CLTCL1: variants seen among roughly 807,000 people sequenced by gnomAD.
The protein encoded by CLTCL1 is clathrin heavy chain like 1.
A neutral mutation model predicts 190.0 loss-of-function variants in CLTCL1; 159 were observed. The ratio of observed to expected loss-of-function variants is 0.84; its 90% CI spans 0.74 to 0.95. The LOEUF is 0.95. CLTCL1 is among the 40% of genes least tolerant of loss of function. CLTCL1 has a pLI of 0.00. For synonymous variants in CLTCL1, 752 were observed against 769.6 expected (o/e 0.98, Z 0.38); for missense variants, 1,878 against 2,033.4 (o/e 0.92, Z 1.47).
chr22:19,273,832 G>A (rs541652941), intron 2 of CLTCL1, among the ~76,000 whole-genome samples: 1 of 151,992 alleles, frequency 6.6e-6, no homozygotes, highest in Admixed American at 6.6e-5. Flanking sequence ...CCTATAAAAG[G>A]CTCTAACACC....
At chr22:19,187,772 G>T (rs782506779) in intron 28 of CLTCL1, 44 bp from the exon 29 acceptor site, 6 of 1,593,606 alleles carry the variant, frequency 3.8e-6, no homozygotes, top group Non-Finnish European at 2.6e-6. Context: ...ACTGACATGG[G>T]CTGCCTACAC....
In CLTCL1 at chr22:19,180,809, G is replaced by A. The variant is rs374258987; in HGVS notation, c.4828-3C>T. ...TCCAAGGCATCCAGTTTGTCCACCTGCAAGGAGGCAAAAGCACGTGAGCAC... is the reference window on the plus strand; with the variant it reads ...TCCAAGGCATCCAGTTTGTCCACCTACAAGGAGGCAAAAGCACGTGAGCAC... On this transcript the variant is annotated splice_polypyrimidine_tract_variant and splice_region_variant and intron_variant, in intron 30 of 32. Coordinates refer to ENST00000427926, the MANE Select transcript of CLTCL1 (RefSeq NM_007098.4). 72 of 1,613,578 alleles carry A rather than the reference G, an allele frequency of 4.5e-5. No homozygotes were observed. Among genetic ancestry groups the A allele is most frequent in the Non-Finnish European group, 5.8e-5 (68 of 1,179,746 alleles).
chr22:19,183,797 C>T (rs575362516), intron 29 of CLTCL1, 186 bp from the exon 30 acceptor site: 189 of 629,478 alleles, frequency 3.0e-4, no homozygotes, highest in African/African-American at 2.8e-3. Context: ...ACGGAGATGC[C>T]ACCTCCGGAG....
chr22:19,222,852 CCAGA>C, intron 14 of CLTCL1, 43 bp from the exon 15 acceptor site: 1 of 1,567,494 alleles, frequency 6.4e-7, no homozygotes, highest in Non-Finnish European at 8.6e-7. Flanking sequence ...AGTGGAGAAA[CCAGA>C]CAGCCAGACC....
At chr22:19,223,759 C>T (rs2085648993) in intron 14 of CLTCL1, 132 bp downstream of exon 14, 2 of 975,252 alleles carry the variant, frequency 2.1e-6, no homozygotes, top group South Asian at 1.6e-5. Flanking sequence ...TAAAGTGGAG[C>T]TCTGTCCCTG....
rs782183677 is a variant in CLTCL1 at position 19,210,515 on chromosome 22, G to A, written c.3066-6C>T. 2 of 1,608,914 alleles carry A rather than the reference G, an allele frequency of 1.2e-6. No homozygotes were observed. The highest frequency in any genetic ancestry group is 2.7e-5 in the African/African-American group (2 of 74,830). ...TCAACAGATTCTGTAGATTCCTGAG[G>A]AGAGAGGGTGGTCAGCACGGCATCC... On this transcript the variant is annotated splice_region_variant and splice_polypyrimidine_tract_variant and intron_variant, in intron 19 of 32. Coordinates refer to ENST00000427926, the MANE Select transcript of CLTCL1 (RefSeq NM_007098.4).
At chr22:19,256,414 T>C (rs1555972580) in intron 2 of CLTCL1, among the ~76,000 whole-genome samples, 1 of 144,016 alleles carries the variant, frequency 6.9e-6, no homozygotes, top group East Asian at 2.0e-4. Flanking sequence ...TGGAGTGCAG[T>C]GGCATCATCT....
rs1569157437 is a variant in CLTCL1 at position 19,196,602 on chromosome 22, C to T, written c.3928G>A (p.Glu1310Lys). 3 of 1,613,738 alleles carry T rather than the reference C, an allele frequency of 1.9e-6. No homozygotes were observed. Among genetic ancestry groups the T allele is most frequent in the Non-Finnish European group, 2.5e-6 (3 of 1,179,776 alleles). ...GTGAACATGCCCATGTGGGCCCGCT[C>T]CAGGCCCAGGGCCGCTTCCAACAGC... is the stretch of plus-strand genomic sequence containing the variant. ...ILLLEAALGL[E>K]RAHMGMFTEL... Residue 1310 changes from glutamate (E) to lysine (K), a missense_variant, in exon 25 of 33, where the codon GAG becomes AAG. Coordinates refer to ENST00000427926, the MANE Select transcript of CLTCL1 (RefSeq NM_007098.4).
chr22:19,260,297 T>C (rs956659151), intron 2 of CLTCL1, among the ~76,000 whole-genome samples: 1 of 152,164 alleles, frequency 6.6e-6, no homozygotes, highest in Non-Finnish European at 1.5e-5. Context: ...AAATTTTCAA[T>C]GGAGAAGAAA....
At chr22:19,254,309 C>T (rs777296072) in intron 2 of CLTCL1, 82 bp from the exon 3 acceptor site, 21 of 1,194,032 alleles carry the variant, frequency 1.8e-5, no homozygotes, top group Non-Finnish European at 2.2e-5. Context: ...ATTCTGAATT[C>T]TTTTAATATT....
At chr22:19,266,857 G>A (rs1484895729) in intron 2 of CLTCL1, among the ~76,000 whole-genome samples, 1 of 152,048 alleles carries the variant, frequency 6.6e-6, no homozygotes. Context: ...ACTTGATAAA[G>A]GATTTATCTA....
At chr22:19,284,528 C>T (rs1358764351) in intron 1 of CLTCL1, among the ~76,000 whole-genome samples, 1 of 151,872 alleles carries the variant, frequency 6.6e-6, no homozygotes, top group South Asian at 2.1e-4. Flanking sequence ...GGTGTGGTGG[C>T]GGGCACCTAT....
chr22:19,210,201 A>C (rs145162755), intron 20 of CLTCL1, 125 bp downstream of exon 20: 1 of 864,584 alleles, frequency 1.2e-6, no homozygotes, highest in African/African-American at 1.7e-5. Context: ...AACAGAGAAG[A>C]GCACGAAGAG....
At chr22:19,186,851 T>G (rs1555928542) in intron 29 of CLTCL1, among the ~76,000 whole-genome samples, 1 of 152,154 alleles carries the variant, frequency 6.6e-6, no homozygotes, top group Non-Finnish European at 1.5e-5. Context: ...TCTGCCCACC[T>G]CAGCCTCCCA....
chr22:19,290,601 T>C (rs1210817592), intron 1 of CLTCL1, among the ~76,000 whole-genome samples: 4 of 152,124 alleles, frequency 2.6e-5, no homozygotes, highest in African/African-American at 9.7e-5. Context: ...GGATATCAAG[T>C]TTCCAGTCTG....
intron 10 of CLTCL1, among the ~76,000 whole-genome samples, chr22:19,232,064 G>A (rs2085932102): frequency 6.6e-6 from 1 of 152,142 alleles, no homozygotes; most frequent in South Asian, 2.1e-4. Context: ...TGATGCTCAC[G>A]TAATCCAGGT....
At chr22:19,220,058 T>C in intron 17 of CLTCL1, 51 bp from the exon 18 acceptor site, 1 of 1,611,234 alleles carries the variant, frequency 6.2e-7, no homozygotes. Flanking sequence ...CAGCGGAAGC[T>C]GCTTGGGAGG....
At position 19,208,915 on chromosome 22, in the gene CLTCL1, C is replaced by T. The variant is rs1569172009; in HGVS notation, c.3442+7G>A. The T allele has an allele frequency of 6.3e-7, 1 of 1,598,316 alleles. No homozygotes were observed. Among genetic ancestry groups the T allele is most frequent in the East Asian group, 2.3e-5 (1 of 44,420 alleles). On this transcript the variant is annotated splice_region_variant and intron_variant, in intron 21 of 32. Transcript: ENST00000427926. ...TGCAGAGCCCTAGGGAGAGGGGACT[C>T]ACTTACTGCTCCTGCTGGCTGACTG...
chr22:19,243,532 T>C (rs1252373073), intron 3 of CLTCL1, among the ~76,000 whole-genome samples: 1 of 151,936 alleles, frequency 6.6e-6, no homozygotes, highest in Non-Finnish European at 1.5e-5. Flanking sequence ...GGCAGGGGGA[T>C]TGCTTGGGCC....
Sources: gnomAD v4.1 joint callset for allele counts (sites outside exome capture counted in the v4.1 genomes callset) on GRCh38, gnomAD v4.1.1 for gene constraint, MANE v1.5 for transcripts, NCBI Gene and HGNC (gene_info 2026-07-23, HGNC 2026-07-21) for gene names.